The following MTHFS variants were observed in gnomAD, a reference collection of about 807,000 sequenced individuals.
MTHFS encodes methenyltetrahydrofolate synthetase.
A neutral mutation model predicts 12.7 loss-of-function variants in MTHFS; 7 were observed. The observed-to-expected ratio is 0.55, with a 90% CI of 0.31 to 1.03. The LOEUF (loss-of-function observed/expected upper bound fraction) is 1.03, where lower values mean the gene tolerates loss of function less well. Among genes scored for constraint, MTHFS ranks in the 50% least tolerant of loss-of-function variants. The pLI, the probability that MTHFS is intolerant of heterozygous loss-of-function variation, is 0.05. For synonymous variants in MTHFS, 100 were observed against 97.1 expected, an observed-to-expected ratio of 1.03 and a Z score of -0.18; for missense variants, 252 against 258.1, an observed-to-expected ratio of 0.98 and a Z score of 0.16.
At chr15:79,880,285 T>C (rs752351413) in intron 2 of MTHFS, among the ~76,000 whole-genome samples, 1 of 152,050 alleles carries the variant, frequency 6.6e-6, no homozygotes, top group Non-Finnish European at 1.5e-5. Context: ...TTTCAACATG[T>C]TAGCCAGGAT....
chr15:79,878,393 T>C (rs1022274215), intron 2 of MTHFS, among the ~76,000 whole-genome samples: 4 of 151,464 alleles, frequency 2.6e-5, no homozygotes, highest in African/African-American at 9.7e-5. Flanking sequence ...AAGCTTACAC[T>C]GGCGCAAAGC....
chr15:79,856,615 G>C (rs944321882), intron 2 of MTHFS, among the ~76,000 whole-genome samples: 16 of 152,156 alleles, frequency 1.1e-4, no homozygotes, highest in South Asian at 4.1e-4. Context: ...CTGAAGAAAG[G>C]GGGGAAAGAA....
intron 1 of MTHFS, among the ~76,000 whole-genome samples, chr15:79,891,408 T>C (rs956738790): frequency 2.0e-5 from 3 of 152,210 alleles, no homozygotes; most frequent in African/African-American, 7.2e-5. Context: ...GAAATTCTAA[T>C]TAGTTTTCTC....
intron 2 of MTHFS, among the ~76,000 whole-genome samples, chr15:79,883,233 A>C (rs545127367): frequency 6.6e-6 from 1 of 152,300 alleles, no homozygotes; most frequent in African/African-American, 2.4e-5. Context: ...CGCCTTATAA[A>C]ACAACTGACT....
chr15:79,880,531 G>A (rs2034278914), intron 2 of MTHFS, among the ~76,000 whole-genome samples: 1 of 151,718 alleles, frequency 6.6e-6, no homozygotes, highest in South Asian at 2.1e-4. Flanking sequence ...ATTCTCAGCT[G>A]TACTTTAAAA....
At chr15:79,848,728 C>T (rs1279589422) in intron 2 of MTHFS, among the ~76,000 whole-genome samples, 1 of 152,172 alleles carries the variant, frequency 6.6e-6, no homozygotes, top group East Asian at 1.9e-4. Flanking sequence ...TCTTGTTACT[C>T]CCTGTACTTT....
intron 2 of MTHFS, among the ~76,000 whole-genome samples, chr15:79,874,077 A>G (rs2034149820): frequency 6.6e-6 from 1 of 152,202 alleles, no homozygotes. Context: ...CAATCAGTGG[A>G]GCTTCATGCA....
intron 1 of MTHFS, among the ~76,000 whole-genome samples, chr15:79,892,342 AAG>A (rs1716920929): frequency 6.6e-6 from 1 of 152,216 alleles, no homozygotes; most frequent in Admixed American, 6.5e-5. Context: ...TGTTTTCAAA[AAG>A]AGAGTGGATT....
At chr15:79,855,611 A>T (rs2033784646) in intron 2 of MTHFS, among the ~76,000 whole-genome samples, 1 of 152,108 alleles carries the variant, frequency 6.6e-6, no homozygotes, top group African/African-American at 2.4e-5. Flanking sequence ...TTATTTCATC[A>T]CCCAGGTACT....
intron 2 of MTHFS, 138 bp from the exon 3 acceptor site, chr15:79,845,580 C>A (rs900619610): frequency 3.3e-5 from 41 of 1,233,714 alleles, no homozygotes; most frequent in Non-Finnish European, 4.4e-5. Flanking sequence ...ATCCAAAAAG[C>A]ACAGAGTTGG....
intron 1 of MTHFS, among the ~76,000 whole-genome samples, chr15:79,892,093 A>T (rs2034484743): frequency 6.6e-6 from 1 of 152,142 alleles, no homozygotes; most frequent in African/African-American, 2.4e-5. Context: ...TCAATCAAGT[A>T]TGAAGGTAAA....
intron 1 of MTHFS, among the ~76,000 whole-genome samples, chr15:79,889,906 G>C (rs567496899): frequency 6.6e-6 from 1 of 152,236 alleles, no homozygotes; most frequent in East Asian, 1.9e-4. Context: ...TGTCATGAGT[G>C]GGTCACTAAT....
intron 1 of MTHFS, among the ~76,000 whole-genome samples, chr15:79,890,420 G>T (rs972951290): frequency 1.3e-5 from 2 of 151,510 alleles, no homozygotes; most frequent in Non-Finnish European, 2.9e-5. Context: ...GTGGAGACAG[G>T]GTTTCACCAT....
chr15:79,871,004 G>A (rs375534977), intron 2 of MTHFS, among the ~76,000 whole-genome samples: 100 of 152,210 alleles, frequency 6.6e-4, no homozygotes, highest in African/African-American at 2.3e-3. Flanking sequence ...TTAGCTGGGC[G>A]TGGTGGCACA....
Position 79,860,176 on chromosome 15 carries a change from T to C in MTHFS, c.380-14734A>G, listed in dbSNP as rs567555207. 1.5e-3 allele frequency among the ~76,000 whole-genome samples: 234 copies of C among 152,112 alleles called. 1 individual carries two copies. The highest frequency in any genetic ancestry group is 1.9e-3 in the Non-Finnish European group (128 of 67,984). The stretch of plus-strand genomic sequence containing the variant: ...AGGCCGAGGTGGGCAAATCACGAGG[T>C]CAGGAGATGGAGACCATCCTGGCTA... On this transcript the variant is annotated intron_variant, in intron 2 of 2. Transcript: ENST00000258874.
intron 1 of MTHFS, among the ~76,000 whole-genome samples, chr15:79,892,742 A>G (rs993100099): frequency 2.0e-5 from 3 of 151,108 alleles, no homozygotes; most frequent in African/African-American, 7.3e-5. Context: ...CATGAGGTCA[A>G]GAGGTCGAGA....
At chr15:79,887,033 G>A (rs1374239491) in intron 2 of MTHFS, among the ~76,000 whole-genome samples, 1 of 152,148 alleles carries the variant, frequency 6.6e-6, no homozygotes, top group African/African-American at 2.4e-5. Flanking sequence ...TCAGGAGTTC[G>A]AGATCAGCCT....
intron 2 of MTHFS, among the ~76,000 whole-genome samples, chr15:79,869,923 A>C (rs17285431): frequency 0.14 from 21,452 of 152,168 alleles, 1,717 homozygotes; most frequent in Non-Finnish European, 0.19. Flanking sequence ...GATCCAGAAG[A>C]ACCAAAGTAA....
intron 2 of MTHFS, among the ~76,000 whole-genome samples, chr15:79,882,346 G>C (rs1470874621): frequency 1.3e-5 from 2 of 152,148 alleles, no homozygotes; most frequent in Non-Finnish European, 1.5e-5. Context: ...TACCCAGACT[G>C]TCAGAAAATA....
Sources: allele counts gnomAD v4.1 joint callset (sites outside exome capture counted in the v4.1 genomes callset), GRCh38; gene constraint gnomAD v4.1.1; transcripts MANE v1.5; gene names NCBI Gene and HGNC (gene_info 2026-07-23, HGNC 2026-07-21).